Variants in CSMD2 observed in about 807,000 individuals in gnomAD.
The protein encoded by CSMD2 is CUB and Sushi multiple domains 2.
A neutral mutation model predicts 398.5 loss-of-function variants in CSMD2; 130 were observed. That is an observed-to-expected ratio of 0.33 (90% CI 0.28 to 0.38). The LOEUF (loss-of-function observed/expected upper bound fraction) is 0.38. Ranked by LOEUF, CSMD2 falls within the 10% of genes least tolerant of loss-of-function variation. The probability of loss-of-function intolerance (pLI) is 1.00; values close to 1 mark genes in which losing one functional copy is unlikely to be tolerated. For synonymous variants in CSMD2, 1,828 were observed against 1,908.5 expected (o/e 0.96, Z 1.10); for missense variants, 3,829 against 4,764.9 (o/e 0.80, Z 5.78).
rs1040484559 is a variant in CSMD2, at chr1:34,126,325, G to A, written c.188-37132C>T. On this transcript the variant is annotated intron_variant, in intron 1 of 70. Transcript: ENST00000373381. ...CCCCACAGCCCTGGACTCTGGCTGA[G>A]CCCACCTAGCACATACCTCCTGCTG... 3.3e-5 allele frequency among the ~76,000 whole-genome samples: 5 copies of A among 152,292 alleles called. No individual in the cohort carries two copies. In the South Asian group the frequency reaches 1.0e-3, roughly 32 times the overall value.
chr1:33,534,569 T>C (rs1655582575), intron 62 of CSMD2, among the ~76,000 whole-genome samples: 1 of 152,174 alleles, frequency 6.6e-6, no homozygotes, highest in Non-Finnish European at 1.5e-5. Flanking sequence ...CATCTCTCCC[T>C]ACCCAATCCA....
At chr1:33,933,051 T>C (rs1644362073) in intron 4 of CSMD2, among the ~76,000 whole-genome samples, 1 of 152,266 alleles carries the variant, frequency 6.6e-6, no homozygotes, top group South Asian at 2.1e-4. Context: ...GTGAAGCTCC[T>C]GGTTGCTCAT....
chr1:34,113,201 C>T (rs1262328941), intron 1 of CSMD2: 1 of 152,350 alleles, frequency 6.6e-6, no homozygotes, highest in South Asian at 2.1e-4. Flanking sequence ...CCTTGTGACA[C>T]TTCCCAACTG....
Position 34,121,588 on chromosome 1 carries a change from C to T in CSMD2, c.188-32395G>A, listed in dbSNP as rs1300212010. Among the ~76,000 whole-genome samples the T allele has an allele frequency of 2.0e-5, 3 of 152,296 alleles. No individual in the cohort carries two copies. The East Asian group carries it at 5.8e-4, about 29-fold the overall frequency. The stretch of plus-strand genomic sequence containing the variant: ...GGGTGGGGCTTGAAAACCTGCATTT[C>T]TAATAAGCTTCCAGGTGATACTGAT... On this transcript the variant is annotated intron_variant, in intron 1 of 70. Transcript: ENST00000373381.
At chr1:33,971,927 C>A (rs1645785982) in intron 3 of CSMD2, among the ~76,000 whole-genome samples, 1 of 152,236 alleles carries the variant, frequency 6.6e-6, no homozygotes, top group Non-Finnish European at 1.5e-5. Context: ...CAGCTCGATA[C>A]TTCTTCCAGC....
intron 1 of CSMD2, among the ~76,000 whole-genome samples, chr1:34,150,369 G>A (rs1640195059): frequency 6.6e-6 from 1 of 152,188 alleles, no homozygotes; most frequent in African/African-American, 2.4e-5. Flanking sequence ...ACAGACGTGA[G>A]CCACTGCACC....
Position 34,129,015 on chromosome 1 carries a change from A to C in CSMD2, c.187+35896T>G, listed in dbSNP as rs867588387. Among the ~76,000 whole-genome samples, 753 of 129,184 alleles carry C rather than the reference A, an allele frequency of 5.8e-3. 5 individuals carry two copies. Among genetic ancestry groups the C allele is most frequent in the Middle Eastern group, 0.011 (3 of 266 alleles). The allele number at this position is 129,184 out of a possible 152,430, so 84.7% of individuals were successfully genotyped here. A position where few individuals can be genotyped will look rare whatever the true frequency, so the allele number is the denominator to read the frequency against. Reference sequence around the variant, plus strand: ...TACATACATGTGTACCCCCCCCCACACACACACACATATACATTTTGCACA... The same window carrying C: ...TACATACATGTGTACCCCCCCCCACCCACACACACATATACATTTTGCACA... On this transcript the variant is annotated intron_variant, in intron 1 of 70. Transcript: ENST00000373381.
chr1:34,137,347 C>A (rs1208099684), intron 1 of CSMD2, among the ~76,000 whole-genome samples: 1 of 152,206 alleles, frequency 6.6e-6, no homozygotes, highest in Admixed American at 6.5e-5. Flanking sequence ...CCACTAAGCT[C>A]TTTTCACCAG....
intron 5 of CSMD2, among the ~76,000 whole-genome samples, chr1:33,893,043 A>G (rs145432018): frequency 6.6e-6 from 1 of 152,366 alleles, no homozygotes; most frequent in East Asian, 1.9e-4. Flanking sequence ...TAGTATCTGT[A>G]TAATAAATTG....
At chr1:33,897,312 T>C (rs969584964) in intron 5 of CSMD2, among the ~76,000 whole-genome samples, 4 of 152,120 alleles carry the variant, frequency 2.6e-5, no homozygotes, top group Non-Finnish European at 5.9e-5. Context: ...TGGAAACAGA[T>C]CTGGATCAGA....
At chr1:34,055,949 C>T (rs1653782511) in intron 2 of CSMD2, among the ~76,000 whole-genome samples, 2 of 152,166 alleles carry the variant, frequency 1.3e-5, no homozygotes, top group Admixed American at 6.5e-5. Flanking sequence ...AACAGTCAAC[C>T]CATTAGCATT....
At chr1:33,597,167 TC>T (rs1469251148) in intron 44 of CSMD2, among the ~76,000 whole-genome samples, 1 of 152,176 alleles carries the variant, frequency 6.6e-6, no homozygotes, top group Admixed American at 6.5e-5. Context: ...TTCTTATTGA[TC>T]CTCATATGAA....
chr1:33,928,243 C>T (rs1350269825), intron 4 of CSMD2, among the ~76,000 whole-genome samples: 7 of 152,302 alleles, frequency 4.6e-5, no homozygotes, highest in African/African-American at 1.4e-4. Context: ...TGTGTAATCA[C>T]AGGTAAAGCA....
intron 13 of CSMD2, among the ~76,000 whole-genome samples, chr1:33,752,673 G>A (rs1648421304): frequency 6.6e-6 from 1 of 152,192 alleles, no homozygotes; most frequent in Admixed American, 6.5e-5. Flanking sequence ...ACAGGGATAG[G>A]TTGGAAGAGT....
At chr1:33,596,061 C>T (rs147553565) in intron 44 of CSMD2, among the ~76,000 whole-genome samples, 20 of 152,312 alleles carry the variant, frequency 1.3e-4, no homozygotes, top group African/African-American at 4.8e-4. Context: ...AATTTTTGCT[C>T]TATCCATAGT....
chr1:33,597,813 C>G (rs1570884651), intron 44 of CSMD2, among the ~76,000 whole-genome samples: 1 of 152,154 alleles, frequency 6.6e-6, no homozygotes, highest in African/African-American at 2.4e-5. Context: ...GTTCTTATTG[C>G]TTGAAATGAA....
chr1:33,928,945 G>A (rs561342843), intron 4 of CSMD2, among the ~76,000 whole-genome samples: 8 of 152,276 alleles, frequency 5.3e-5, no homozygotes, highest in South Asian at 2.1e-4. Flanking sequence ...TTCTAGCTTA[G>A]GACTCCTTCC....
Position 33,636,685 on chromosome 1 carries a change from G to T in CSMD2, c.4775-131C>A. On this transcript the variant is annotated intron_variant, in intron 29 of 70. Coordinates refer to ENST00000373381, the MANE Select transcript of CSMD2 (RefSeq NM_001281956.2). The surrounding 1 kb of genome is among the most constrained non-coding windows in gnomAD (Gnocchi z 4.8). ...GAGCACACGGGGATGCGTGACTGTG[G>T]CTCCTATTCCCCTCAGGTCTAGAAA... 1.5e-6 allele frequency: 1 copy of T among 679,008 alleles called. No homozygotes were observed. The highest frequency in any genetic ancestry group is 2.5e-6 in the Non-Finnish European group (1 of 396,240). 42.1% of individuals were successfully genotyped at this position (679,008 alleles called of 1,614,324 possible).
intron 3 of CSMD2, among the ~76,000 whole-genome samples, chr1:33,970,791 G>T (rs186068608): frequency 1.8e-3 from 271 of 152,274 alleles, no homozygotes; most frequent in Non-Finnish European, 3.3e-3. Context: ...GATTTTCCAG[G>T]TCACTTAACT....
Sources: allele counts gnomAD v4.1 joint callset (sites outside exome capture counted in the v4.1 genomes callset), GRCh38; gene constraint gnomAD v4.1.1; non-coding constraint Gnocchi (gnomAD v3.1); transcripts MANE v1.5; gene names NCBI Gene and HGNC (gene_info 2026-07-23, HGNC 2026-07-21).